The following SYT2 variants were observed in gnomAD, a reference collection of about 807,000 sequenced individuals.
The protein encoded by SYT2 is synaptotagmin 2.
Under a neutral mutation model 39.9 loss-of-function variants are expected in SYT2, and 15 were observed. The ratio of observed to expected loss-of-function variants is 0.38; its 90% CI spans 0.25 to 0.58. SYT2 has a LOEUF of 0.58. SYT2 is among the 20% of genes least tolerant of loss of function. The pLI is 0.70. For missense variants in SYT2, 389 were observed against 530.3 expected (o/e 0.73, Z 2.62); for synonymous variants, 181 against 204.5 (o/e 0.89, Z 0.98).
chr1:202,695,103 C>A (rs779369143), intron 1 of SYT2, among the ~76,000 whole-genome samples: 1 of 152,094 alleles, frequency 6.6e-6, no homozygotes, highest in Non-Finnish European at 1.5e-5. Flanking sequence ...GCCTTTGTGA[C>A]CTTATGAACC....
At chr1:202,691,314 A>C (rs1558463117) in intron 1 of SYT2, among the ~76,000 whole-genome samples, 1 of 152,122 alleles carries the variant, frequency 6.6e-6, no homozygotes, top group Non-Finnish European at 1.5e-5. Context: ...CCAGAAAACA[A>C]GGAGGGCTTG....
intron 1 of SYT2, among the ~76,000 whole-genome samples, chr1:202,681,764 T>C (rs1040780001): frequency 2.6e-5 from 4 of 152,130 alleles, no homozygotes; most frequent in Non-Finnish European, 5.9e-5. Context: ...TCTGGGCTAG[T>C]AGCACCAATA....
chr1:202,687,443 G>A (rs998416458), intron 1 of SYT2, among the ~76,000 whole-genome samples: 1 of 152,120 alleles, frequency 6.6e-6, no homozygotes, highest in African/African-American at 2.4e-5. Context: ...ACTCCACGGG[G>A]CCACTCTCTT....
chr1:202,658,595 G>A (rs988636946), intron 1 of SYT2, among the ~76,000 whole-genome samples: 1 of 152,100 alleles, frequency 6.6e-6, no homozygotes, highest in Non-Finnish European at 1.5e-5. Context: ...CGTGTGGCGT[G>A]TGTGTGCCTC....
At chr1:202,671,409 C>T (rs1692588321) in intron 1 of SYT2, among the ~76,000 whole-genome samples, 4 of 152,150 alleles carry the variant, frequency 2.6e-5, no homozygotes, top group South Asian at 2.1e-4. Flanking sequence ...GAATTTAGGC[C>T]GTCAAGATCG....
intron 1 of SYT2, among the ~76,000 whole-genome samples, chr1:202,625,201 T>G (rs989164642): frequency 5.2e-5 from 6 of 115,348 alleles, no homozygotes; most frequent in Admixed American, 8.8e-5. Context: ...TGTAGTAGGG[T>G]GTGTGTGTGA....
intron 1 of SYT2, among the ~76,000 whole-genome samples, chr1:202,694,838 G>A (rs1653934354): frequency 6.7e-6 from 1 of 149,868 alleles, no homozygotes; most frequent in South Asian, 2.1e-4. Flanking sequence ...ATTTATATAA[G>A]TTGACTGGTT....
chr1:202,655,489 C>T (rs1692262736), intron 1 of SYT2, among the ~76,000 whole-genome samples: 1 of 152,094 alleles, frequency 6.6e-6, no homozygotes, highest in Admixed American at 6.5e-5. Flanking sequence ...GGGACACTAC[C>T]ATTAATTCAG....
intron 1 of SYT2, among the ~76,000 whole-genome samples, chr1:202,709,046 C>A (rs1398567182): frequency 1.3e-5 from 2 of 152,102 alleles, no homozygotes; most frequent in African/African-American, 4.8e-5. Context: ...AGAAGGGCAC[C>A]CTTTTGCTTT....
rs150830179 is a variant in SYT2 at position 202,619,379 on chromosome 1, G to A, written c.-17-13590C>T. Among the ~76,000 whole-genome samples the A allele has an allele frequency of 2.6e-3, 397 of 152,306 alleles. 1 individual carries two copies. Among genetic ancestry groups the A allele is most frequent in the Admixed American group, 5.0e-3 (77 of 15,304 alleles). ...TGCCCGGAGAGGGAGGCTGGGGGTG[G>A]GGAGAGATGCCTGCTCCCAGCCTGC... On this transcript the variant is annotated intron_variant, in intron 1 of 8. Coordinates refer to ENST00000367268, the MANE Select transcript of SYT2 (RefSeq NM_177402.5).
intron 1 of SYT2, among the ~76,000 whole-genome samples, chr1:202,636,716 ATTAC>A (rs1430233227): frequency 2.6e-5 from 4 of 152,208 alleles, no homozygotes; most frequent in Non-Finnish European, 4.4e-5. Flanking sequence ...CACTCTTTAT[ATTAC>A]TTTATAGCAA....
intron 1 of SYT2, among the ~76,000 whole-genome samples, chr1:202,642,474 T>C (rs1344017773): frequency 2.0e-5 from 3 of 152,048 alleles, no homozygotes; most frequent in Non-Finnish European, 4.4e-5. Context: ...AGTAGGGCCC[T>C]CGTTTCCACT....
chr1:202,676,579 G>A (rs1019299277), intron 1 of SYT2, among the ~76,000 whole-genome samples: 1 of 152,142 alleles, frequency 6.6e-6, no homozygotes, highest in African/African-American at 2.4e-5. Context: ...CAGCTTTTTG[G>A]ATATAATAGT....
chr1:202,661,626 G>C (rs947602160), intron 1 of SYT2, among the ~76,000 whole-genome samples: 1 of 150,920 alleles, frequency 6.6e-6, no homozygotes, highest in African/African-American at 2.4e-5. Flanking sequence ...TTTCATGCCA[G>C]TCCTGCATCC....
At chr1:202,670,965 G>A (rs993269193) in intron 1 of SYT2, among the ~76,000 whole-genome samples, 1 of 152,208 alleles carries the variant, frequency 6.6e-6, no homozygotes, top group African/African-American at 2.4e-5. Flanking sequence ...GATCTCTGCT[G>A]GGTCAGCTGG....
chr1:202,670,651 G>T (rs1057024727), intron 1 of SYT2, among the ~76,000 whole-genome samples: 2 of 152,214 alleles, frequency 1.3e-5, no homozygotes, highest in Non-Finnish European at 2.9e-5. Flanking sequence ...ATGACCATTT[G>T]TAACGGCCAA....
chr1:202,702,788 G>A (rs1654152818), intron 1 of SYT2, among the ~76,000 whole-genome samples: 1 of 152,186 alleles, frequency 6.6e-6, no homozygotes, highest in South Asian at 2.1e-4. Context: ...GCCCCAAGAG[G>A]GATAGAGGTA....
chr1:202,705,055 C>T (rs927731403), intron 1 of SYT2, among the ~76,000 whole-genome samples: 1 of 152,266 alleles, frequency 6.6e-6, no homozygotes. Flanking sequence ...ATCCCAAGGA[C>T]CCGCACCTGT....
intron 1 of SYT2, among the ~76,000 whole-genome samples, chr1:202,644,714 A>T (rs1890873): frequency 0.13 from 19,341 of 151,498 alleles, 1,751 homozygotes; most frequent in East Asian, 0.32. Flanking sequence ...ACAAAAATCC[A>T]GTGTGCATGT....
Sources: allele counts gnomAD v4.1 joint callset (sites outside exome capture counted in the v4.1 genomes callset), GRCh38; gene constraint gnomAD v4.1.1; transcripts MANE v1.5; gene names NCBI Gene and HGNC (gene_info 2026-07-23, HGNC 2026-07-21).